The following NBEA variants were observed in gnomAD, a reference collection of about 807,000 sequenced individuals.
NBEA encodes lysosomal-trafficking regulator 2.
Under a neutral mutation model 343.4 loss-of-function variants are expected in NBEA, and 44 were observed. The ratio of observed to expected loss-of-function variants is 0.13; its 90% CI spans 0.10 to 0.16. The LOEUF (loss-of-function observed/expected upper bound fraction) is 0.16. NBEA is among the 10% of genes least tolerant of loss of function. The pLI is 1.00. For missense variants in NBEA, 2,555 were observed against 3,631.3 expected (o/e 0.70, Z 7.62); for synonymous variants, 1,175 against 1,238.7 (o/e 0.95, Z 1.08).
chr13:35,437,705 C>G (rs919899143), intron 39 of NBEA, among the ~76,000 whole-genome samples: 2 of 151,988 alleles, frequency 1.3e-5, no homozygotes, highest in Non-Finnish European at 2.9e-5. Context: ...TTTTATGGAC[C>G]ATAGCAATGG....
chr13:34,983,013 G>A lies in NBEA; in HGVS notation c.294+39899G>A, dbSNP rs143419043. 7.9e-4 allele frequency among the ~76,000 whole-genome samples: 120 copies of A among 151,988 alleles called. No individual in the cohort carries two copies. In the East Asian group the frequency reaches 0.022, roughly 28 times the overall value. Reference sequence around the variant, plus strand: ...ATCTGTTCCTCAGGAATTGACCTTTGGGTTATTATTATTATTATTATTTTA... The same window carrying A: ...ATCTGTTCCTCAGGAATTGACCTTTAGGTTATTATTATTATTATTATTTTA... On this transcript the variant is annotated intron_variant, in intron 1 of 58. Coordinates refer to ENST00000379939, the MANE Select transcript of NBEA (RefSeq NM_001385012.1).
At chr13:35,254,777 G>T (rs1593953120) in intron 34 of NBEA, among the ~76,000 whole-genome samples, 2 of 151,864 alleles carry the variant, frequency 1.3e-5, no homozygotes, top group South Asian at 2.1e-4. Context: ...AAATTTAAAA[G>T]CACTTAAAGT....
At chr13:35,071,446 T>C (rs544973835) in intron 10 of NBEA, among the ~76,000 whole-genome samples, 6 of 152,128 alleles carry the variant, frequency 3.9e-5, no homozygotes. Context: ...TACATTTTTA[T>C]AGTTTCTCTT....
In NBEA at chr13:35,119,619, C is replaced by A. The variant is rs2152671735; in HGVS notation, c.2243+1145C>A. On this transcript the variant is annotated intron_variant, in intron 16 of 58. Coordinates refer to ENST00000379939, the MANE Select transcript of NBEA (RefSeq NM_001385012.1). ...TTTGAGACAGAGTCTTGCTCTGTCG[C>A]CCAGGCTGGAGTGCAGTGTGCAGTG... Among the ~76,000 whole-genome samples the A allele has an allele frequency of 2.6e-5, 4 of 152,212 alleles. No individual in the cohort carries two copies. In the East Asian group the frequency reaches 7.7e-4, roughly 29 times the overall value.
At chr13:35,438,698 A>C (rs1446537318) in intron 39 of NBEA, among the ~76,000 whole-genome samples, 2 of 152,154 alleles carry the variant, frequency 1.3e-5, no homozygotes, top group Non-Finnish European at 2.9e-5. Context: ...ATTTTTAGAA[A>C]GAGAGAGAGA....
At chr13:35,174,241 T>A (rs1017027190) in intron 27 of NBEA, among the ~76,000 whole-genome samples, 13 of 152,174 alleles carry the variant, frequency 8.5e-5, no homozygotes, top group Admixed American at 8.5e-4. Context: ...CCATAAAGTA[T>A]TCATCCTTAT....
rs71081262 is a variant in NBEA at position 35,539,915 on chromosome 13, CAAAAAAAAAAAA to C, written c.6586-10546_6586-10535del. ...TGGGCGACAGAGCAAGACTCCGTCT[CAAAAAAAAAAAA>C]AAAAAAAAAAAAAAAGTGCACTAGT... On this transcript the variant is annotated intron_variant, in intron 41 of 58. Coordinates refer to ENST00000379939, the MANE Select transcript of NBEA (RefSeq NM_001385012.1). Among the ~76,000 whole-genome samples, 27 of 39,612 alleles carry C rather than the reference CAAAAAAAAAAAA, an allele frequency of 6.8e-4. 1 individual carries two copies. The highest frequency in any genetic ancestry group is 3.9e-3 in the South Asian group (4 of 1,020). The allele number at this position is 39,612 out of a possible 152,430, so 26.0% of individuals were successfully genotyped here.
At chr13:34,959,727 A>G (rs1460601167) in intron 1 of NBEA, among the ~76,000 whole-genome samples, 2 of 152,094 alleles carry the variant, frequency 1.3e-5, no homozygotes, top group South Asian at 2.1e-4. Flanking sequence ...AATGGACCAC[A>G]TATACAATGG....
At chr13:35,526,930 A>G (rs576058025) in intron 41 of NBEA, among the ~76,000 whole-genome samples, 161 of 152,188 alleles carry the variant, frequency 1.1e-3, no homozygotes, top group African/African-American at 3.0e-3. Context: ...AAGCTGGTAG[A>G]CACCAGGAAC....
chr13:35,418,338 G>A (rs1008990335), intron 38 of NBEA, among the ~76,000 whole-genome samples: 1 of 151,978 alleles, frequency 6.6e-6, no homozygotes, highest in Non-Finnish European at 1.5e-5. Flanking sequence ...GAAGAAAATG[G>A]CAGAAGAATA....
Position 35,366,551 on chromosome 13 carries a change from T to C in NBEA, c.6179+14228T>C, listed in dbSNP as rs137949225. Among the ~76,000 whole-genome samples the C allele has an allele frequency of 1.5e-3, 224 of 151,426 alleles. 1 individual carries two copies. Among genetic ancestry groups the C allele is most frequent in the African/African-American group, 4.9e-3 (205 of 41,482 alleles). On this transcript the variant is annotated intron_variant, in intron 38 of 58. Coordinates refer to ENST00000379939, the MANE Select transcript of NBEA (RefSeq NM_001385012.1). ...TTGCAATGATGTTTTAATATAGCTT[T>C]ATTTTACATTGTGTTTTTATTGTAT... is the stretch of plus-strand genomic sequence containing the variant.
chr13:35,312,966 AAG>A (rs1434809042), intron 36 of NBEA, among the ~76,000 whole-genome samples: 1 of 152,174 alleles, frequency 6.6e-6, no homozygotes, highest in Non-Finnish European at 1.5e-5. Flanking sequence ...GAGCTCTCCA[AAG>A]AGAGAGCTGG....
intron 38 of NBEA, among the ~76,000 whole-genome samples, chr13:35,365,681 T>C (rs2041063201): frequency 6.6e-6 from 1 of 151,696 alleles, no homozygotes; most frequent in Middle Eastern, 3.2e-3. Context: ...TTTTTATTTA[T>C]ATATCATCAC....
intron 38 of NBEA, among the ~76,000 whole-genome samples, chr13:35,413,299 C>T (rs1029452423): frequency 6.6e-6 from 1 of 152,120 alleles, no homozygotes; most frequent in Non-Finnish European, 1.5e-5. Context: ...AAGTCCTGAC[C>T]TCAATGATTA....
chr13:35,511,350 TG>T (rs1356165019), intron 41 of NBEA, among the ~76,000 whole-genome samples: 1 of 152,182 alleles, frequency 6.6e-6, no homozygotes, highest in African/African-American at 2.4e-5. Flanking sequence ...ATGTATTTAT[TG>T]GTGATTATCA....
chr13:35,436,185 A>G (rs1409367530), intron 39 of NBEA, among the ~76,000 whole-genome samples: 3 of 152,194 alleles, frequency 2.0e-5, no homozygotes, highest in Non-Finnish European at 4.4e-5. Flanking sequence ...TGACGTCTGA[A>G]TATTCCATCT....
At chr13:34,957,378 C>T (rs1469607526) in intron 1 of NBEA, among the ~76,000 whole-genome samples, 3 of 152,068 alleles carry the variant, frequency 2.0e-5, no homozygotes, top group Admixed American at 6.6e-5. Flanking sequence ...AGAAAGACCA[C>T]GAACACTCAC....
chr13:35,178,509 A>C (rs1358853610), intron 28 of NBEA, among the ~76,000 whole-genome samples: 1 of 151,738 alleles, frequency 6.6e-6, no homozygotes, highest in African/African-American at 2.4e-5. Flanking sequence ...AAGCAACAGC[A>C]TGTAGAAGTA....
At chr13:35,209,943 AC>A (rs1450128413) in intron 32 of NBEA, among the ~76,000 whole-genome samples, 1 of 152,096 alleles carries the variant, frequency 6.6e-6, no homozygotes, top group Non-Finnish European at 1.5e-5. Context: ...TTGTCTGAAG[AC>A]TTTAAAGTCT....
Sources: allele counts gnomAD v4.1 joint callset (sites outside exome capture counted in the v4.1 genomes callset), GRCh38; gene constraint gnomAD v4.1.1; transcripts MANE v1.5; gene names NCBI Gene and HGNC (gene_info 2026-07-23, HGNC 2026-07-21).